The following ADK variants were observed in gnomAD, a reference collection of about 807,000 sequenced individuals.
ADK encodes adenosine kinase.
A neutral mutation model predicts 44.7 loss-of-function variants in ADK; 24 were observed. The observed-to-expected ratio is 0.54, with a 90% CI of 0.39 to 0.76. The LOEUF is 0.76. Among genes scored for constraint, ADK ranks in the 30% least tolerant of loss-of-function variants. ADK has a pLI of 0.00. For synonymous variants in ADK, 128 were observed against 142.6 expected (o/e 0.90, Z 0.73); for missense variants, 321 against 425.1 (o/e 0.76, Z 2.15).
chr10:74,224,050 C>T (rs1040295170), intron 2 of ADK, among the ~76,000 whole-genome samples: 9 of 152,136 alleles, frequency 5.9e-5, no homozygotes, highest in African/African-American at 2.2e-4. Flanking sequence ...TGCACTCCAG[C>T]CTTGGTGACA....
chr10:74,589,687 G>T (rs1011184378), intron 8 of ADK, among the ~76,000 whole-genome samples: 1 of 152,146 alleles, frequency 6.6e-6, no homozygotes, highest in Non-Finnish European at 1.5e-5. Flanking sequence ...TAAAGCAGTG[G>T]TGGAACAAGA....
chr10:74,539,508 A>G (rs1589229693), intron 7 of ADK, among the ~76,000 whole-genome samples: 1 of 152,172 alleles, frequency 6.6e-6, no homozygotes, highest in Admixed American at 6.5e-5. Context: ...TAAAGTATAC[A>G]GAAGTGCCCT....
At chr10:74,586,589 C>T (rs1174594295) in intron 7 of ADK, among the ~76,000 whole-genome samples, 1 of 152,108 alleles carries the variant, frequency 6.6e-6, no homozygotes, top group Non-Finnish European at 1.5e-5. Context: ...CATAGTAACT[C>T]ATACCTGTAA....
At chr10:74,410,688 A>G (rs930453967) in intron 6 of ADK, among the ~76,000 whole-genome samples, 3 of 152,168 alleles carry the variant, frequency 2.0e-5, no homozygotes, top group Admixed American at 6.5e-5. Flanking sequence ...CTGAAAACAA[A>G]CAAACAAACA....
At chr10:74,527,449 A>G in intron 7 of ADK, 1 of 508,134 alleles carries the variant, frequency 2.0e-6, no homozygotes, top group South Asian at 2.2e-5. Flanking sequence ...ATTGAATGCC[A>G]TAAAAAATGC....
intron 6 of ADK, among the ~76,000 whole-genome samples, chr10:74,455,712 G>A (rs1367797116): frequency 6.6e-6 from 1 of 152,108 alleles, no homozygotes; most frequent in African/African-American, 2.4e-5. Flanking sequence ...GTTTCACCAT[G>A]TTGGCCAGGA....
intron 7 of ADK, among the ~76,000 whole-genome samples, chr10:74,579,757 C>T (rs559217832): frequency 1.6e-4 from 24 of 152,184 alleles, no homozygotes; most frequent in African/African-American, 5.8e-4. Context: ...GAGGGCTCCC[C>T]TTGATTTTTA....
intron 3 of ADK, among the ~76,000 whole-genome samples, chr10:74,257,565 GAAT>G (rs926301922): frequency 6.6e-6 from 1 of 151,962 alleles, no homozygotes; most frequent in African/African-American, 2.4e-5. Flanking sequence ...ATTTAATTTA[GAAT>G]AATCATCTAT....
intron 3 of ADK, among the ~76,000 whole-genome samples, chr10:74,269,347 A>G (rs188397802): frequency 1.3e-5 from 2 of 152,332 alleles, no homozygotes; most frequent in Admixed American, 1.3e-4. Context: ...ATAGTGATAC[A>G]TCATTATTTG....
chr10:74,597,400 A>T (rs892214968), intron 8 of ADK, among the ~76,000 whole-genome samples: 9 of 152,182 alleles, frequency 5.9e-5, no homozygotes, highest in South Asian at 4.1e-4. Flanking sequence ...ACAATAACTG[A>T]ACTATATACA....
chr10:74,408,646 C>T (rs1021467149), intron 6 of ADK, among the ~76,000 whole-genome samples: 1 of 152,000 alleles, frequency 6.6e-6, no homozygotes, highest in Non-Finnish European at 1.5e-5. Context: ...TAATTGGAAG[C>T]CTTACTGATA....
At chr10:74,372,087 G>T in intron 4 of ADK, 3 of 753,614 alleles carry the variant, frequency 4.0e-6, no homozygotes, top group Non-Finnish European at 7.3e-6. Context: ...AGGTTTGCGC[G>T]CGTGTGGCAC....
chr10:74,629,568 G>A (rs1371126419), intron 9 of ADK, among the ~76,000 whole-genome samples: 1 of 152,090 alleles, frequency 6.6e-6, no homozygotes, highest in Non-Finnish European at 1.5e-5. Context: ...CATATTTGAA[G>A]TAATAATTGG....
At chr10:74,474,725 G>T (rs973067936) in intron 6 of ADK, among the ~76,000 whole-genome samples, 1 of 152,026 alleles carries the variant, frequency 6.6e-6, no homozygotes, top group Admixed American at 6.6e-5. Context: ...ATTTCACTGT[G>T]TTGCCCAGGC....
At chr10:74,394,408 A>T in intron 5 of ADK, 95 bp downstream of exon 5, 1 of 1,150,862 alleles carries the variant, frequency 8.7e-7, no homozygotes. Flanking sequence ...TTGACTTTAT[A>T]ATTCCTTTTA....
At chr10:74,521,807 G>C (rs1478349378) in intron 6 of ADK, among the ~76,000 whole-genome samples, 3 of 152,002 alleles carry the variant, frequency 2.0e-5, no homozygotes, top group Non-Finnish European at 2.9e-5. Flanking sequence ...TAGGATACTT[G>C]GTTAAAAAAG....
chr10:74,414,431 T>A (rs966176522), intron 6 of ADK, among the ~76,000 whole-genome samples: 5 of 152,184 alleles, frequency 3.3e-5, no homozygotes, highest in African/African-American at 1.2e-4. Flanking sequence ...CTGGATAAAT[T>A]TTCAAACAAG....
chr10:74,690,814 A>G (rs752704842), intron 10 of ADK, among the ~76,000 whole-genome samples: 1 of 152,224 alleles, frequency 6.6e-6, no homozygotes, highest in Non-Finnish European at 1.5e-5. Flanking sequence ...TGTTTTATCC[A>G]TCTTTGACTC....
At chr10:74,403,549 T>C (rs10824169) in intron 6 of ADK, among the ~76,000 whole-genome samples, 2 of 151,950 alleles carry the variant, frequency 1.3e-5, no homozygotes, top group African/African-American at 2.4e-5. Flanking sequence ...CTCCGAGCCA[T>C]GCGTGGGATA....
Sources: gnomAD v4.1 joint callset for allele counts (sites outside exome capture counted in the v4.1 genomes callset) on GRCh38, gnomAD v4.1.1 for gene constraint, MANE v1.5 for transcripts, NCBI Gene and HGNC (gene_info 2026-07-23, HGNC 2026-07-21) for gene names.